The following ZNF329 variants were observed in gnomAD, a reference collection of about 807,000 sequenced individuals.
ZNF329 encodes zinc finger protein 329.
A neutral mutation model predicts 26.6 loss-of-function variants in ZNF329; 15 were observed. That is an observed-to-expected ratio of 0.56 (90% CI 0.38 to 0.87). The LOEUF (loss-of-function observed/expected upper bound fraction) is 0.87, where lower values mean the gene tolerates loss of function less well. Ranked by LOEUF, ZNF329 falls within the 40% of genes least tolerant of loss-of-function variation. The probability of loss-of-function intolerance (pLI) is 0.00; values close to 1 mark genes in which losing one functional copy is unlikely to be tolerated. For missense variants in ZNF329, 651 were observed against 651.9 expected (o/e 1.00, Z 0.02); for synonymous variants, 239 against 233.5 (o/e 1.02, Z -0.21).
At chr19:58,131,145 G>GTGTGTGTGC (rs1555806917) in intron 3 of ZNF329, among the ~76,000 whole-genome samples, 42 of 151,900 alleles carry the variant, frequency 2.8e-4, no homozygotes, top group African/African-American at 9.7e-4. Context: ...GTGTGTGCGC[G>GTGTGTGTGC]TGTATTTACA....
intron 1 of ZNF329, among the ~76,000 whole-genome samples, chr19:58,148,953 A>C (rs530050049): frequency 6.6e-6 from 1 of 152,220 alleles, no homozygotes; most frequent in Non-Finnish European, 1.5e-5. Context: ...ACTGGGTAAA[A>C]TAAGGCTGAA....
chr19:58,128,011 A>C lies in ZNF329; in HGVS notation c.1493T>G (p.Leu498Arg). The C allele has an allele frequency of 6.2e-7, 1 of 1,614,066 alleles. No homozygotes were observed. The highest frequency in any genetic ancestry group is 8.5e-7 in the Non-Finnish European group (1 of 1,180,014). Residue 498 changes from leucine (L) to arginine (R), a missense_variant, in exon 4 of 4, where the codon CTG becomes CGG. Transcript: ENST00000598312. ...CGKSFKQNSHLAVHQRLHSRE... is the reference protein window; with the variant it reads ...CGKSFKQNSHRAVHQRLHSRE... ...GCTATGGAGTCTCTGATGTACTGCC[A>C]GGTGAGAGTTCTGCTTGAAGGACTT...
At chr19:58,150,827 CG>C (rs2075437324), upstream of ZNF329, 1 of 152,814 alleles carries the variant, frequency 6.5e-6, no homozygotes, top group East Asian at 1.9e-4. Context: ...TGCGCGTGCG[CG>C]GAGTCCCCGA....
chr19:58,140,414 CTTTT>C (rs11436059), intron 3 of ZNF329, among the ~76,000 whole-genome samples: 2 of 138,442 alleles, frequency 1.4e-5, no homozygotes, highest in Admixed American at 7.4e-5. Context: ...AAAACTCTTT[CTTTT>C]TTTTTTTTTT....
intron 1 of ZNF329, among the ~76,000 whole-genome samples, chr19:58,146,842 T>A (rs2075322013): frequency 6.6e-6 from 1 of 151,784 alleles, no homozygotes. Flanking sequence ...CGGAGTCTGG[T>A]TCACTCAGTG....
chr19:58,141,314 T>C (rs1049027586), intron 3 of ZNF329, among the ~76,000 whole-genome samples: 3 of 151,770 alleles, frequency 2.0e-5, no homozygotes, highest in African/African-American at 7.3e-5. Flanking sequence ...TTTTTTTTTT[T>C]CTGAGACAGA....
At chr19:58,143,304 G>A (rs1329312931) in intron 1 of ZNF329, 106 bp from the exon 2 acceptor site, 1 of 152,182 alleles carries the variant, frequency 6.6e-6, no homozygotes, top group Non-Finnish European at 1.5e-5. Context: ...TTGAGTAAGA[G>A]AGGAGCTAGA....
rs10402281 is a variant in ZNF329, at chr19:58,139,282, T to C, written c.-9+3275A>G. 6.6e-3 allele frequency among the ~76,000 whole-genome samples: 1,002 copies of C among 152,172 alleles called. 10 individuals carry two copies. The highest frequency in any genetic ancestry group is 0.023 in the African/African-American group (975 of 41,512). On this transcript the variant is annotated intron_variant, in intron 3 of 3. Coordinates refer to ENST00000598312, the MANE Select transcript of ZNF329 (RefSeq NM_024620.4). ...AGAAAATATTTATATTATGTGTATC[T>C]AGAATATCGAAAACTCTTACATTTC...
chr19:58,146,000 G>GGAA (rs1555810473), intron 1 of ZNF329, among the ~76,000 whole-genome samples: 1 of 123,232 alleles, frequency 8.1e-6, no homozygotes, highest in African/African-American at 3.1e-5. Flanking sequence ...TCAATTTCAT[G>GGAA]AAAAAAAAAA....
At chr19:58,150,029 T>C (rs188414565) in intron 1 of ZNF329, among the ~76,000 whole-genome samples, 17 of 152,256 alleles carry the variant, frequency 1.1e-4, no homozygotes, top group Admixed American at 1.0e-3. Context: ...CAGCAGACGT[T>C]AACCGGGTCG....
intron 1 of ZNF329, among the ~76,000 whole-genome samples, chr19:58,145,523 T>C (rs958322689): frequency 5.3e-5 from 8 of 151,754 alleles, no homozygotes; most frequent in Non-Finnish European, 1.0e-4. Context: ...GGTTTCACCA[T>C]GTCGGCCAGG....
At position 58,128,689 on chromosome 19, in the gene ZNF329, G is replaced by A. The variant is rs2074860681; in HGVS notation, c.815C>T (p.Ser272Leu). 3 of 1,605,752 alleles carry A rather than the reference G, an allele frequency of 1.9e-6. No homozygotes were observed. Among genetic ancestry groups the A allele is most frequent in the East Asian group, 2.2e-5 (1 of 44,816 alleles). ...AATTCTCTGGTGCTGTGTCAGAGCTGAGCCATCACTGAAAGCTTTCCCACA... is the reference window on the plus strand; with the variant it reads ...AATTCTCTGGTGCTGTGTCAGAGCTAAGCCATCACTGAAAGCTTTCCCACA... Reference protein sequence around the residue: ...SKCGKAFSDGSALTQHQRIHT... With the variant: ...SKCGKAFSDGLALTQHQRIHT... The change falls in exon 4 of 4, where the codon TCA becomes TTA. Residue 272 changes from serine to leucine, a missense_variant. Ser to Leu is a moderately radical substitution (Grantham distance 145, BLOSUM62 -2). Transcript: ENST00000598312.
chr19:58,147,186 G>A (rs1191521604), intron 1 of ZNF329, among the ~76,000 whole-genome samples: 14 of 149,560 alleles, frequency 9.4e-5, no homozygotes, highest in East Asian at 4.0e-4. Context: ...TGTGAGGAGC[G>A]CCTCTGCCCG....
chr19:58,154,512 G>A (rs2075510674), upstream of ZNF329, among the ~76,000 whole-genome samples: 1 of 152,210 alleles, frequency 6.6e-6, no homozygotes, highest in African/African-American at 2.4e-5. Flanking sequence ...TCCTCCTCCA[G>A]GAGGCATTCG....
At chr19:58,147,338 G>C (rs1362492860) in intron 1 of ZNF329, among the ~76,000 whole-genome samples, 1 of 151,498 alleles carries the variant, frequency 6.6e-6, no homozygotes, top group Non-Finnish European at 1.5e-5. Context: ...TGAGAAGTGA[G>C]GAGCCCCTCC....
intron 1 of ZNF329, among the ~76,000 whole-genome samples, chr19:58,148,082 G>C (rs374975745): frequency 6.6e-6 from 1 of 151,906 alleles, no homozygotes; most frequent in Non-Finnish European, 1.5e-5. Context: ...CTGTTGATCT[G>C]TGACCTTACC....
chr19:58,138,493 C>T (rs2075118512), intron 3 of ZNF329, among the ~76,000 whole-genome samples: 1 of 152,160 alleles, frequency 6.6e-6, no homozygotes, highest in African/African-American at 2.4e-5. Context: ...GTCAGGAGGA[C>T]CATGCTCCCA....
rs760500141 is a variant in ZNF329, at chr19:58,129,507, C to A, written c.-4G>T. The A allele has an allele frequency of 1.6e-5, 25 of 1,576,800 alleles. 1 individual carries two copies. The South Asian group carries it at 2.9e-4, about 18-fold the overall frequency. On this transcript the variant is annotated 5_prime_UTR_variant, in exon 4 of 4. The change creates a premature stop within an existing upstream ORF in the 5' untranslated region. Transcript: ENST00000598312. ...GAGTCGTCATTTTCAATCTCATATC[C>A]CAAACTGCAAAAAGAAGAAAAATGC...
upstream of ZNF329, among the ~76,000 whole-genome samples, chr19:58,151,744 G>C (rs1324881574): frequency 1.3e-5 from 2 of 152,022 alleles, no homozygotes; most frequent in African/African-American, 4.8e-5. Flanking sequence ...GTTATACAGA[G>C]ATTGATACAT....
Sources: gnomAD v4.1 joint callset for allele counts (sites outside exome capture counted in the v4.1 genomes callset) on GRCh38, gnomAD v4.1.1 for gene constraint, MANE v1.5 for transcripts, NCBI Gene and HGNC (gene_info 2026-07-23, HGNC 2026-07-21) for gene names.